The following COPZ1 variants were observed in gnomAD, a reference collection of about 807,000 sequenced individuals.
COPZ1 encodes the protein coatomer subunit zeta-1.
COPZ1 carries 4 observed loss-of-function variants against 31.7 expected under a neutral mutation model. That is an observed-to-expected ratio of 0.13 (90% CI 0.06 to 0.29). COPZ1 has a LOEUF of 0.29. Ranked by LOEUF, COPZ1 falls within the 10% of genes least tolerant of loss-of-function variation. The pLI, the probability that COPZ1 is intolerant of heterozygous loss-of-function variation, is 1.00. For missense variants in COPZ1, 156 were observed against 211.5 expected (o/e 0.74, Z 1.63); for synonymous variants, 74 against 79.0 (o/e 0.94, Z 0.33).
At chr12:54,335,584 AT>A (rs1953846882) in intron 1 of COPZ1, among the ~76,000 whole-genome samples, 1 of 141,094 alleles carries the variant, frequency 7.1e-6, no homozygotes, top group Non-Finnish European at 1.6e-5. Flanking sequence ...AAGTTTTGTA[AT>A]TTTGGTAGAG....
chr12:54,335,411 TG>T (rs1220235922), intron 1 of COPZ1, among the ~76,000 whole-genome samples: 2 of 147,482 alleles, frequency 1.4e-5, no homozygotes, highest in Non-Finnish European at 3.0e-5. Context: ...CCTTAGGGAA[TG>T]TTTTTTTTTT....
intron 1 of COPZ1, among the ~76,000 whole-genome samples, chr12:54,335,181 C>CA (rs556631294): frequency 0.035 from 3,058 of 88,560 alleles, 90 homozygotes; most frequent in African/African-American, 0.12. Flanking sequence ...GAAACTCTGT[C>CA]AAAAAAAAAA....
intron 3 of COPZ1, chr12:54,342,489 G>T (rs1953988433): frequency 3.5e-6 from 2 of 572,660 alleles, no homozygotes; most frequent in Admixed American, 6.1e-5. Context: ...AAGGTTGGCT[G>T]TTAGCTACCT....
At chr12:54,348,138 G>A (rs929103276) in intron 7 of COPZ1, 87 bp downstream of exon 7, 2 of 1,176,156 alleles carry the variant, frequency 1.7e-6, no homozygotes, top group African/African-American at 3.0e-5. Context: ...CCAGTAGTTG[G>A]GGCTCATAGG....
At chr12:54,348,710 C>T (rs1954102588) in intron 7 of COPZ1, among the ~76,000 whole-genome samples, 1 of 151,960 alleles carries the variant, frequency 6.6e-6, no homozygotes, top group African/African-American at 2.4e-5. Flanking sequence ...GCACTCCAGC[C>T]TGGGCGACAG....
intron 1 of COPZ1, 162 bp from the exon 2 acceptor site, chr12:54,340,385 C>T (rs1044606079): frequency 3.4e-6 from 4 of 1,179,088 alleles, no homozygotes; most frequent in Non-Finnish European, 4.6e-6. Context: ...TACCCTGGGT[C>T]TTTCTCAATG....
At chr12:54,326,301 G>A (rs1486540674) in intron 1 of COPZ1, among the ~76,000 whole-genome samples, 2 of 150,038 alleles carry the variant, frequency 1.3e-5, no homozygotes, top group Non-Finnish European at 3.0e-5. Context: ...CACCACTCCC[G>A]GCTAATTTTT....
At chr12:54,349,724 C>A in intron 8 of COPZ1, 66 bp downstream of exon 8, 1 of 1,221,350 alleles carries the variant, frequency 8.2e-7, no homozygotes, top group Non-Finnish European at 1.2e-6. Context: ...CAGCATTCCA[C>A]CCATACCTCT....
chr12:54,332,691 A>G (rs11170874), intron 1 of COPZ1, among the ~76,000 whole-genome samples: 50,446 of 150,098 alleles, frequency 0.34, 9,357 homozygotes, highest in East Asian at 0.61. Flanking sequence ...CTGAGATTGC[A>G]CCATTGCACT....
chr12:54,349,773 C>T, intron 8 of COPZ1, 115 bp downstream of exon 8: 1 of 895,248 alleles, frequency 1.1e-6, no homozygotes. Context: ...ACACATCTTC[C>T]TTGGCTCCCT....
In COPZ1 at chr12:54,340,563, C is replaced by G. The variant is rs759431303; in HGVS notation, c.35C>G (p.Thr12Ser). ...TCTCTTCAGGAACCTTCCCTGTATA[C>G]TGTCAAAGCCATCCTGATTCTGGAC... ...EALILEPSLY[T>S]VKAILILDND... The change falls in exon 2 of 9, where the codon ACT becomes AGT. Residue 12 changes from threonine to serine, a missense_variant. Transcript: ENST00000262061. The G allele has an allele frequency of 6.2e-7, 1 of 1,614,122 alleles. No homozygotes were observed. The highest frequency in any genetic ancestry group is 1.1e-5 in the South Asian group (1 of 91,070).
At chr12:54,333,130 A>G (rs1334517961) in intron 1 of COPZ1, among the ~76,000 whole-genome samples, 2 of 152,190 alleles carry the variant, frequency 1.3e-5, no homozygotes, top group African/African-American at 4.8e-5. Context: ...TGCAATCTCC[A>G]TCTCCGGGGT....
chr12:54,339,357 A>G (rs1010984832), intron 1 of COPZ1, among the ~76,000 whole-genome samples: 2 of 151,498 alleles, frequency 1.3e-5, no homozygotes, highest in African/African-American at 4.9e-5. Flanking sequence ...TTTTCTATTC[A>G]ATCAATTAGA....
chr12:54,340,436 C>A (rs1470258602), intron 1 of COPZ1, 111 bp from the exon 2 acceptor site: 3 of 1,519,464 alleles, frequency 2.0e-6, no homozygotes, highest in Admixed American at 2.4e-5. Context: ...AAGGGACTTA[C>A]AGAGGTACCT....
chr12:54,348,686 G>A (rs186296035), intron 7 of COPZ1, among the ~76,000 whole-genome samples: 98 of 152,148 alleles, frequency 6.4e-4, no homozygotes, highest in African/African-American at 2.2e-3. Flanking sequence ...GCAGTGAGCC[G>A]AGATTGCACC....
At chr12:54,342,840 A>G (rs1228520251) in intron 3 of COPZ1, among the ~76,000 whole-genome samples, 6 of 147,226 alleles carry the variant, frequency 4.1e-5, no homozygotes, top group Non-Finnish European at 8.9e-5. Context: ...CTAGGAATTC[A>G]TGGTAACGCC....
chr12:54,332,757 A>C (rs564233681), intron 1 of COPZ1, among the ~76,000 whole-genome samples: 1 of 151,976 alleles, frequency 6.6e-6, no homozygotes, highest in South Asian at 2.1e-4. Context: ...GGAAAAAAAA[A>C]AAGAAAGCTG....
At chr12:54,344,820 T>C (rs1294769137) in intron 4 of COPZ1, 1 of 151,258 alleles carries the variant, frequency 6.6e-6, no homozygotes, top group African/African-American at 2.4e-5. Context: ...TGGTGCGATC[T>C]TGGCTCACTG....
intron 1 of COPZ1, 73 bp downstream of exon 1, chr12:54,325,254 G>A (rs1953607871): frequency 5.3e-6 from 8 of 1,516,576 alleles, no homozygotes; most frequent in South Asian, 1.2e-5. Flanking sequence ...GCCCGAGTGG[G>A]AGACGGGGAA....
Sources: allele counts gnomAD v4.1 joint callset (sites outside exome capture counted in the v4.1 genomes callset), GRCh38; gene constraint gnomAD v4.1.1; transcripts MANE v1.5; gene names NCBI Gene and HGNC (gene_info 2026-07-23, HGNC 2026-07-21).